KXD1: variants seen among roughly 807,000 people sequenced by gnomAD.
KXD1 encodes the protein KxDL motif containing 1.
A neutral mutation model predicts 12.1 loss-of-function variants in KXD1; 5 were observed. That is an observed-to-expected ratio of 0.41 (90% CI 0.22 to 0.87). The LOEUF (loss-of-function observed/expected upper bound fraction) is 0.87, where lower values mean the gene tolerates loss of function less well. KXD1 is among the 40% of genes least tolerant of loss of function. The probability of loss-of-function intolerance (pLI) is 0.31; values close to 1 mark genes in which losing one functional copy is unlikely to be tolerated. For synonymous variants in KXD1, 98 were observed against 100.5 expected (o/e 0.98, Z 0.15); for missense variants, 193 against 244.9 (o/e 0.79, Z 1.41).
chr19:18,567,474 A>G (rs1269217164), intron 4 of KXD1, among the ~76,000 whole-genome samples: 1 of 152,192 alleles, frequency 6.6e-6, no homozygotes, highest in Non-Finnish European at 1.5e-5. Flanking sequence ...AGAACAGAGC[A>G]CGGGCTCATG....
chr19:18,567,373 C>T lies in KXD1; in HGVS notation c.301+195C>T, dbSNP rs2286328. 125 of 652,470 alleles carry T rather than the reference C, an allele frequency of 1.9e-4. No individual in the cohort carries two copies. The East Asian group carries it at 3.0e-3, about 16-fold the overall frequency. The allele number at this position is 652,470 out of a possible 1,614,324, so 40.4% of individuals were successfully genotyped here. A position where few individuals can be genotyped will look rare whatever the true frequency, so the allele number is the denominator to read the frequency against. On this transcript the variant is annotated intron_variant, in intron 4 of 4. Coordinates refer to ENST00000222307, the MANE Select transcript of KXD1 (RefSeq NM_024069.4). ...GCAGCTGGCAGAGTGGGCACTAGGA[C>T]GGGAGTCCGTGCCCCGTGGGGAGGC... is the stretch of plus-strand genomic sequence containing the variant.
chr19:18,565,144 G>C, intron 3 of KXD1, 123 bp downstream of exon 3: 1 of 1,487,038 alleles, frequency 6.7e-7, no homozygotes, highest in Non-Finnish European at 8.9e-7. Context: ...GCTTCACTGC[G>C]CACTTAAGTG....
intron 4 of KXD1, 119 bp from the exon 5 acceptor site, chr19:18,568,283 A>G (rs897068727): frequency 5.4e-5 from 36 of 665,754 alleles, no homozygotes; most frequent in South Asian, 1.3e-4. Context: ...AAAAAAAAAA[A>G]GGGTCAAGTC....
At chr19:18,559,983 TCCTTCCTTCCCTCCCTCCCTC>T (rs1336500077) in intron 1 of KXD1, 3 of 120,314 alleles carry the variant, frequency 2.5e-5, no homozygotes, top group Non-Finnish European at 5.0e-5. Context: ...CTCTCTCCCT[TCCTTCCTTCCCTCCCTCCCTC>T]CCTTCCTTCC....
At chr19:18,561,994 C>A (rs980933559) in intron 1 of KXD1, 42 bp from the exon 2 acceptor site, 31 of 1,359,330 alleles carry the variant, frequency 2.3e-5, no homozygotes, top group Non-Finnish European at 3.2e-5. Context: ...TCCCACCTCA[C>A]CTGGTGACTA....
chr19:18,562,723 A>G (rs1974983037), intron 2 of KXD1, among the ~76,000 whole-genome samples: 1 of 152,224 alleles, frequency 6.6e-6, no homozygotes, highest in Non-Finnish European at 1.5e-5. Flanking sequence ...CGGCCTCCCG[A>G]AGTCCTGGGA....
At position 18,568,383 on chromosome 19, in the gene KXD1, T is replaced by C; in HGVS notation, c.302-19T>C. 1 of 1,595,144 alleles carries C rather than the reference T, an allele frequency of 6.3e-7. No homozygotes were observed. Among genetic ancestry groups the C allele is most frequent in the Non-Finnish European group, 8.6e-7 (1 of 1,163,860 alleles). On this transcript the variant is annotated intron_variant, in intron 4 of 4. Transcript: ENST00000222307. The stretch of plus-strand genomic sequence containing the variant: ...CTTGGCAAGGTGACAAAACCAACTC[T>C]TGGGCCTCCTTCCCCCAGATATCCC...
chr19:18,566,280 C>G (rs1356093789), intron 3 of KXD1, among the ~76,000 whole-genome samples: 2 of 151,910 alleles, frequency 1.3e-5, no homozygotes, highest in East Asian at 3.9e-4. Flanking sequence ...GAAACCCCGT[C>G]TCTACTAAAA....
At chr19:18,568,254 A>C (rs916272711) in intron 4 of KXD1, 148 bp from the exon 5 acceptor site, 9 of 665,248 alleles carry the variant, frequency 1.4e-5, no homozygotes, top group African/African-American at 1.3e-4. Flanking sequence ...GCAAAGAGCG[A>C]AACTCCGTCT....
chr19:18,568,297 C>T, intron 4 of KXD1, 105 bp from the exon 5 acceptor site: 1 of 761,680 alleles, frequency 1.3e-6, no homozygotes, highest in Non-Finnish European at 2.2e-6. Flanking sequence ...TCAAGTCATA[C>T]CCCCATGGGG....
intron 2 of KXD1, among the ~76,000 whole-genome samples, chr19:18,562,794 C>T (rs917873430): frequency 5.9e-5 from 9 of 152,182 alleles, no homozygotes; most frequent in African/African-American, 2.2e-4. Context: ...GCGCCTACTT[C>T]CTGGTGAAGG....
At chr19:18,562,384 C>T (rs201143525) in intron 2 of KXD1, among the ~76,000 whole-genome samples, 19 of 152,178 alleles carry the variant, frequency 1.2e-4, no homozygotes, top group African/African-American at 4.3e-4. Flanking sequence ...TGGCGGGGGC[C>T]GCAGGGGCTC....
rs763791964 is a variant in KXD1 at position 18,563,136 on chromosome 19, A to G, written c.101+979A>G. On this transcript the variant is annotated intron_variant, in intron 2 of 4. Transcript: ENST00000222307. ...GTGGCCCAAGACAATTCTTCTTCCA[A>G]TGTGGCCCAGGGAAATGAAAAGACT... Among the ~76,000 whole-genome samples, 12 of 151,712 alleles carry G rather than the reference A, an allele frequency of 7.9e-5. No homozygotes were observed. In the South Asian group the frequency reaches 1.0e-3, roughly 13 times the overall value.
intron 3 of KXD1, among the ~76,000 whole-genome samples, chr19:18,566,490 A>G (rs1975243054): frequency 1.3e-5 from 2 of 151,322 alleles, no homozygotes; most frequent in Admixed American, 6.6e-5. Flanking sequence ...TGCTAGACAC[A>G]TAATGAAAAG....
chr19:18,560,710 C>T (rs866365261), intron 1 of KXD1, among the ~76,000 whole-genome samples: 2 of 99,756 alleles, frequency 2.0e-5, no homozygotes, highest in Non-Finnish European at 4.0e-5. Flanking sequence ...CACCTCTACT[C>T]CTTCTTTTTT....
intron 4 of KXD1, among the ~76,000 whole-genome samples, chr19:18,567,993 C>T (rs1426293077): frequency 6.6e-6 from 1 of 152,172 alleles, no homozygotes; most frequent in African/African-American, 2.4e-5. Context: ...GTCTGCCAGG[C>T]GCGGTGGCTC....
Position 18,569,293 on chromosome 19 carries a change from G to A in KXD1, c.*662G>A, listed in dbSNP as rs1975405675. On this transcript the variant is annotated 3_prime_UTR_variant, in exon 5 of 5. Transcript: ENST00000222307. ...GCAAACGGAGCCACCTCGGGAAAGA[G>A]TTTAATGGAATATTTTTGTACCCGA... The A allele has an allele frequency of 6.5e-6, 1 of 152,682 alleles. No individual in the cohort carries two copies. The highest frequency in any genetic ancestry group is 2.4e-5 in the African/African-American group (1 of 41,436). The allele number at this position is 152,682 out of a possible 1,614,324, so 9.5% of individuals were successfully genotyped here. A position where few individuals can be genotyped will look rare whatever the true frequency, so the allele number is the denominator to read the frequency against.
In KXD1 at chr19:18,564,975, C is replaced by T. The variant is rs1030519537; in HGVS notation, c.208C>T (p.Leu70=). The change falls in exon 3 of 5, where the codon CTA becomes TTA. Residue 70 remains leucine, a synonymous_variant. Coordinates refer to ENST00000222307, the MANE Select transcript of KXD1 (RefSeq NM_024069.4). ...ACGCTTCCTGCACCACACGAGGACC[C>T]TAGTAGAGATGAAACGGGACCTGGA... ...SERFLHHTRT[L]VEMKRDLDSI... is the part of the protein sequence containing the mutation. The T allele has an allele frequency of 6.2e-7, 1 of 1,611,398 alleles. No homozygotes were observed. Among genetic ancestry groups the T allele is most frequent in the Non-Finnish European group, 8.5e-7 (1 of 1,179,992 alleles).
intron 2 of KXD1, among the ~76,000 whole-genome samples, chr19:18,562,811 C>T (rs1974987836): frequency 6.6e-6 from 1 of 152,204 alleles, no homozygotes; most frequent in South Asian, 2.1e-4. Flanking sequence ...AAGGACTAGT[C>T]TCCCAGAGCC....
Sources: gnomAD v4.1 joint callset for allele counts (sites outside exome capture counted in the v4.1 genomes callset) on GRCh38, gnomAD v4.1.1 for gene constraint, MANE v1.5 for transcripts, NCBI Gene and HGNC (gene_info 2026-07-23, HGNC 2026-07-21) for gene names.